PGAP3: variants seen among roughly 807,000 people sequenced by gnomAD.
PGAP3 encodes GPI-specific phospholipase A2-like PGAP3.
PGAP3 carries 31 observed loss-of-function variants against 40.3 expected under a neutral mutation model. The ratio of observed to expected loss-of-function variants is 0.77; its 90% CI spans 0.58 to 1.04. The LOEUF (loss-of-function observed/expected upper bound fraction) is 1.04. Among genes scored for constraint, PGAP3 ranks in the 50% least tolerant of loss-of-function variants. The pLI, the probability that PGAP3 is intolerant of heterozygous loss-of-function variation, is 0.00. For synonymous variants in PGAP3, 191 were observed against 184.5 expected (o/e 1.04, Z -0.29); for missense variants, 413 against 423.0 (o/e 0.98, Z 0.21).
In PGAP3 at chr17:39,677,884, T is replaced by C. The variant is rs572102024; in HGVS notation, c.433-3205A>G. 1.5e-3 allele frequency among the ~76,000 whole-genome samples: 231 copies of C among 152,348 alleles called. 1 individual carries two copies. The highest frequency in any genetic ancestry group is 4.7e-3 in the African/African-American group (194 of 41,590). On this transcript the variant is annotated intron_variant, in intron 3 of 7. Coordinates refer to ENST00000300658, the MANE Select transcript of PGAP3 (RefSeq NM_033419.5). ...TAAGCCCCAGTGCTCGGGGCTGTCA[T>C]TGACACCATGGCGGTGGGGACAAGT...
chr17:39,680,009 C>A (rs936577023), intron 3 of PGAP3, among the ~76,000 whole-genome samples: 12 of 152,164 alleles, frequency 7.9e-5, no homozygotes, highest in Non-Finnish European at 2.9e-5. Context: ...GGGCTCTCTA[C>A]CGGAGCACCC....
intron 5 of PGAP3, 97 bp from the exon 6 acceptor site, chr17:39,673,747 C>G (rs1434823637): frequency 2.0e-6 from 3 of 1,507,708 alleles, no homozygotes; most frequent in Non-Finnish European, 2.7e-6. Context: ...GTGCATGGCC[C>G]CTGAAGTCAC....
chr17:39,686,117 G>A (rs2057510280), intron 1 of PGAP3, 98 bp from the exon 2 acceptor site: 5 of 984,648 alleles, frequency 5.1e-6, no homozygotes, highest in South Asian at 4.3e-5. Flanking sequence ...AAGAGGGCCT[G>A]TAAGTTGGAG....
chr17:39,680,591 G>A (rs541338329), intron 3 of PGAP3, among the ~76,000 whole-genome samples: 4 of 152,178 alleles, frequency 2.6e-5, no homozygotes, highest in African/African-American at 4.8e-5. Flanking sequence ...TCCAGATTCC[G>A]GGGTCTCCTT....
Position 39,672,697 on chromosome 17 carries a change from A to G in PGAP3, c.*106T>C. ...TCTGGGCCCACATCCTTCATGTCCA[A>G]GTTCAAGAAGTTGAAAAGAGAAAAT... On this transcript the variant is annotated 3_prime_UTR_variant, in exon 8 of 8. Coordinates refer to ENST00000300658, the MANE Select transcript of PGAP3 (RefSeq NM_033419.5). 8.5e-7 allele frequency: 1 copy of G among 1,175,210 alleles called. No homozygotes were observed. Among genetic ancestry groups the G allele is most frequent in the South Asian group, 1.3e-5 (1 of 77,630 alleles). The allele number at this position is 1,175,210 out of a possible 1,614,324, so 72.8% of individuals were successfully genotyped here. A position where few individuals can be genotyped will look rare whatever the true frequency, so the allele number is the denominator to read the frequency against.
intron 3 of PGAP3, among the ~76,000 whole-genome samples, chr17:39,678,044 T>C (rs2145119089): frequency 6.6e-6 from 1 of 152,216 alleles, no homozygotes; most frequent in South Asian, 2.1e-4. Context: ...CAGCCCCAGC[T>C]CACTCCTGAG....
At chr17:39,685,876 T>C (rs1299267278) in intron 2 of PGAP3, 46 bp downstream of exon 2, 1 of 1,551,134 alleles carries the variant, frequency 6.4e-7, no homozygotes, top group Non-Finnish European at 8.9e-7. Flanking sequence ...GGTATATTAC[T>C]CCTACCACGC....
At chr17:39,679,643 T>C (rs1391645861) in intron 3 of PGAP3, among the ~76,000 whole-genome samples, 2 of 152,142 alleles carry the variant, frequency 1.3e-5, no homozygotes, top group Non-Finnish European at 2.9e-5. Context: ...AGGACTAAAT[T>C]TGCTTCGCTC....
At chr17:39,684,509 G>T in intron 3 of PGAP3, 88 bp downstream of exon 3, 1 of 1,418,238 alleles carries the variant, frequency 7.1e-7, no homozygotes, top group Non-Finnish European at 9.5e-7. Context: ...AAGCTGGTAA[G>T]TAGAAGCCCT....
intron 1 of PGAP3, among the ~76,000 whole-genome samples, chr17:39,686,555 A>AT (rs35277523): frequency 0.59 from 58,376 of 98,536 alleles, 18,644 homozygotes; most frequent in South Asian, 0.71. Flanking sequence ...CGCACCCGGC[A>AT]TTTTTTTTTT....
At position 39,671,812 on chromosome 17, in the gene PGAP3, G is replaced by C. The variant is rs1367520222; in HGVS notation, c.*991C>G. 2 of 152,430 alleles carry C rather than the reference G, an allele frequency of 1.3e-5. No individual in the cohort carries two copies. The highest frequency in any genetic ancestry group is 2.4e-5 in the African/African-American group (1 of 41,440). The allele number at this position is 152,430 out of a possible 1,614,324, so 9.4% of individuals were successfully genotyped here. A position where few individuals can be genotyped will look rare whatever the true frequency, so the allele number is the denominator to read the frequency against. ...TGGAGAGCTCCTGGCTGTCCGCCCA[G>C]GTGGCGCCTTGGGCAGAGCTGGCGC... On this transcript the variant is annotated 3_prime_UTR_variant, in exon 8 of 8. Transcript: ENST00000300658.
chr17:39,685,863 G>C, intron 2 of PGAP3, 59 bp downstream of exon 2: 1 of 1,487,178 alleles, frequency 6.7e-7, no homozygotes, highest in South Asian at 1.1e-5. Context: ...GGTCCAACCA[G>C]GGGGTATATT....
intron 3 of PGAP3, among the ~76,000 whole-genome samples, chr17:39,678,528 C>T (rs1597819021): frequency 1.3e-5 from 2 of 152,230 alleles, no homozygotes; most frequent in African/African-American, 2.4e-5. Flanking sequence ...CTTGTGCCAG[C>T]GTTATCATGA....
In PGAP3 at chr17:39,684,634, G is replaced by C. The variant is rs758135930; in HGVS notation, c.395C>G (p.Ser132Cys). 4.6e-5 allele frequency: 75 copies of C among 1,613,974 alleles called. No individual in the cohort carries two copies. The highest frequency in any genetic ancestry group is 1.6e-4 in the Middle Eastern group (1 of 6,080). Reference sequence around the variant, plus strand: ...CACACAGGTGTGGTACATGGGGGAGGAGGCTGGCACGAAGGTGCGGTAGCG... The same window carrying C: ...CACACAGGTGTGGTACATGGGGGAGCAGGCTGGCACGAAGGTGCGGTAGCG... ...LCRYRTFVPA[S>C]SPMYHTCVAF... Residue 132 changes from serine (S) to cysteine (C), a missense_variant, in exon 3 of 8, where the codon TCC (serine) becomes TGC (cysteine). Coordinates refer to ENST00000300658, the MANE Select transcript of PGAP3 (RefSeq NM_033419.5).
At chr17:39,685,593 C>A (rs1186151642) in intron 2 of PGAP3, among the ~76,000 whole-genome samples, 1 of 152,076 alleles carries the variant, frequency 6.6e-6, no homozygotes, top group Non-Finnish European at 1.5e-5. Flanking sequence ...CAGACCCCTA[C>A]TGGAGAAGCA....
rs1325617390 is a variant in PGAP3 at position 39,687,879 on chromosome 17, G to C, written c.136C>G (p.Leu46Val). 6.6e-7 allele frequency: 1 copy of C among 1,505,244 alleles called. No individual in the cohort carries two copies. The highest frequency in any genetic ancestry group is 9.0e-7 in the Non-Finnish European group (1 of 1,114,634). The allele number at this position is 1,505,244 out of a possible 1,614,324, so 93.2% of individuals were successfully genotyped here. A position where few individuals can be genotyped will look rare whatever the true frequency, so the allele number is the denominator to read the frequency against. The stretch of plus-strand genomic sequence containing the variant: ...GGCTGGCGGGAGCGGAAGTGATTCA[G>C]AGCGCCCCCAGAGCAGTTCTGCTCT... ...CEEQNCSGGA[L>V]NHFRSRQPIY... The change falls in exon 1 of 8, where the codon CTG (leucine) becomes GTG (valine). Residue 46 changes from leucine to valine, a missense_variant. By Grantham distance (32) the Leu-to-Val change is conservative. Transcript: ENST00000300658.
rs146295854 is a variant in PGAP3 at position 39,673,061 on chromosome 17, G to A, written c.889C>T (p.Leu297Phe). The change falls in exon 7 of 8, where the codon CTC becomes TTC. Residue 297 changes from leucine to phenylalanine, a missense_variant. Transcript: ENST00000300658. ...WHISTIPVHV[L>F]FFSFLEDDSL... ...GGGGGCAGCACCCACCTGAAAAAGA[G>A]GACGTGGACAGGGATGGTGCTGATG... 11 of 1,605,886 alleles carry A rather than the reference G, an allele frequency of 6.8e-6. No homozygotes were observed. The African/African-American group carries it at 1.3e-4, about 19-fold the overall frequency.
intron 4 of PGAP3, 147 bp downstream of exon 4, chr17:39,674,470 G>T: frequency 1.2e-6 from 1 of 827,162 alleles, no homozygotes. Flanking sequence ...TGAGGATCAA[G>T]GGCACCAACA....
chr17:39,684,735 C>T lies in PGAP3; in HGVS notation c.294G>A (p.Arg98=). 1 of 1,607,248 alleles carries T rather than the reference C, an allele frequency of 6.2e-7. No homozygotes were observed. Among genetic ancestry groups the T allele is most frequent in the Non-Finnish European group, 8.5e-7 (1 of 1,176,868 alleles). ...PQFHGKWPFS[R]FLFFQEPASA... ...ATGCCGGCTCTTGAAAGAACAGGAA[C>T]CGGGAGAAGGGCCACTGAAAAAGGA... Residue 98 remains arginine (R), a synonymous_variant, in exon 3 of 8, where the codon CGG becomes CGA. Coordinates refer to ENST00000300658, the MANE Select transcript of PGAP3 (RefSeq NM_033419.5).
Sources: gnomAD v4.1 joint callset for allele counts (sites outside exome capture counted in the v4.1 genomes callset) on GRCh38, gnomAD v4.1.1 for gene constraint, MANE v1.5 for transcripts, NCBI Gene and HGNC (gene_info 2026-07-23, HGNC 2026-07-21) for gene names.